MAP3K20: variants seen among roughly 807,000 people sequenced by gnomAD.
MAP3K20 encodes HCCS-4.
A neutral mutation model predicts 85.7 loss-of-function variants in MAP3K20; 40 were observed. The observed-to-expected ratio is 0.47, with a 90% CI of 0.36 to 0.61. The LOEUF (loss-of-function observed/expected upper bound fraction) is 0.61, where lower values mean the gene tolerates loss of function less well. Ranked by LOEUF, MAP3K20 falls within the 20% of genes least tolerant of loss-of-function variation. The probability of loss-of-function intolerance (pLI) is 0.00; values close to 1 mark genes in which losing one functional copy is unlikely to be tolerated. For synonymous variants in MAP3K20, 325 were observed against 327.7 expected, an observed-to-expected ratio of 0.99 and a Z score of 0.09; for missense variants, 817 against 961.7, an observed-to-expected ratio of 0.85 and a Z score of 1.99.
chr2:173,091,253 C>T (rs1042114799), intron 2 of MAP3K20, 63 bp downstream of exon 2: 10 of 1,547,666 alleles, frequency 6.5e-6, no homozygotes, highest in Non-Finnish European at 8.8e-6. Context: ...TTTTCAACCT[C>T]GAGTTAGAGG....
At chr2:173,128,437 A>T (rs1688511274) in intron 2 of MAP3K20, among the ~76,000 whole-genome samples, 1 of 151,866 alleles carries the variant, frequency 6.6e-6, no homozygotes. Context: ...GTTTCAAGTG[A>T]TTCTCGTGCC....
At chr2:173,208,824 C>T (rs556110657) in intron 9 of MAP3K20, among the ~76,000 whole-genome samples, 5 of 152,270 alleles carry the variant, frequency 3.3e-5, no homozygotes, top group East Asian at 1.9e-4. Context: ...GGCGTAATTA[C>T]GAGGCATGAT....
intron 2 of MAP3K20, among the ~76,000 whole-genome samples, chr2:173,125,236 A>C (rs1688408153): frequency 1.3e-5 from 2 of 152,184 alleles, no homozygotes; most frequent in South Asian, 4.1e-4. Context: ...CCCTTATAGA[A>C]TCTCTTATCT....
In MAP3K20 at chr2:173,266,368, C is replaced by G. The variant is rs758853363; in HGVS notation, c.2021C>G (p.Ser674Ter). The G allele has an allele frequency of 6.2e-7, 1 of 1,614,076 alleles. No individual in the cohort carries two copies. The highest frequency in any genetic ancestry group is 1.1e-5 in the South Asian group (1 of 91,064). The change falls in exon 20 of 20, where the codon TCA (serine) becomes TGA (stop). Residue 674 changes from serine (S) to a stop codon, truncating the protein, a stop_gained. Transcript: ENST00000375213. LOFTEE classifies it low-confidence loss of function (END_TRUNC). The stretch of plus-strand genomic sequence containing the variant: ...ACCTCTTCAGAGAGGGGTCGATACT[C>G]AGACAGAAGCAGGAACAAATATGGA... ...TDTSSERGRY[S>*]DRSRNKYGRG...
At chr2:173,142,691 A>G (rs1689012326) in intron 2 of MAP3K20, among the ~76,000 whole-genome samples, 1 of 152,186 alleles carries the variant, frequency 6.6e-6, no homozygotes, top group South Asian at 2.1e-4. Context: ...ATGATATACT[A>G]AGAAAAAAAT....
chr2:173,127,976 A>G lies in MAP3K20; in HGVS notation c.159+36786A>G, dbSNP rs1574038378. ...ATAGTTAGTAAGTGATAGAATCTAG[A>G]CCTTCGTACCTGCCATGCACACACA... On this transcript the variant is annotated intron_variant, in intron 2 of 19. Coordinates refer to ENST00000375213, the MANE Select transcript of MAP3K20 (RefSeq NM_016653.3). Among the ~76,000 whole-genome samples, 5 of 152,280 alleles carry G rather than the reference A, an allele frequency of 3.3e-5. No individual in the cohort carries two copies. The South Asian group carries it at 1.0e-3, about 32-fold the overall frequency.
chr2:173,246,464 T>C (rs1368489479), intron 16 of MAP3K20, among the ~76,000 whole-genome samples: 1 of 152,220 alleles, frequency 6.6e-6, no homozygotes, highest in Non-Finnish European at 1.5e-5. Context: ...ACCACCCCTT[T>C]TTATTAAAAT....
At chr2:173,157,775 G>A (rs1353666372) in intron 2 of MAP3K20, among the ~76,000 whole-genome samples, 1 of 152,208 alleles carries the variant, frequency 6.6e-6, no homozygotes, top group Admixed American at 6.5e-5. Flanking sequence ...ATGGCCTAGT[G>A]CCTGTAGGGA....
At chr2:173,255,671 A>C (rs538046189) in intron 16 of MAP3K20, among the ~76,000 whole-genome samples, 7 of 152,290 alleles carry the variant, frequency 4.6e-5, no homozygotes, top group African/African-American at 1.4e-4. Context: ...AAGTCATGGG[A>C]GAGCTCCCTG....
rs528205079 is a variant in MAP3K20, at chr2:173,253,185, G to A, written c.1360-5514G>A. 3.3e-5 allele frequency among the ~76,000 whole-genome samples: 5 copies of A among 152,180 alleles called. No individual in the cohort carries two copies. The South Asian group carries it at 6.2e-4, about 19-fold the overall frequency. On this transcript the variant is annotated intron_variant, in intron 16 of 19. Coordinates refer to ENST00000375213, the MANE Select transcript of MAP3K20 (RefSeq NM_016653.3). The stretch of plus-strand genomic sequence containing the variant: ...TGCCCATCAAAGCTACCTTGTTCTC[G>A]GTCCCATTCCCTTTTATGGCTGCCA...
chr2:173,139,731 C>A (rs1300397537), intron 2 of MAP3K20, among the ~76,000 whole-genome samples: 1 of 152,016 alleles, frequency 6.6e-6, no homozygotes, highest in African/African-American at 2.4e-5. Context: ...AGTAAAGGAA[C>A]CAATATGGAT....
intron 14 of MAP3K20, among the ~76,000 whole-genome samples, chr2:173,237,739 T>G (rs570344765): frequency 2.4e-4 from 37 of 152,262 alleles, no homozygotes; most frequent in Non-Finnish European, 4.3e-4. Flanking sequence ...TCTGGTGTTA[T>G]GTGCTGTGCT....
chr2:173,131,975 C>T (rs879587488), intron 2 of MAP3K20, among the ~76,000 whole-genome samples: 2 of 152,160 alleles, frequency 1.3e-5, no homozygotes, highest in Non-Finnish European at 2.9e-5. Context: ...GATAAATTCT[C>T]ATCTCTTATC....
intron 2 of MAP3K20, among the ~76,000 whole-genome samples, chr2:173,145,839 C>T (rs143114709): frequency 2.6e-5 from 4 of 152,050 alleles, no homozygotes; most frequent in Non-Finnish European, 5.9e-5. Flanking sequence ...TAATAGCCAA[C>T]AATTGAGAAC....
rs1274030934 is a variant in MAP3K20, at chr2:173,134,391, T to TAC, written c.160-35412_160-35411dup. Reference sequence around the variant, plus strand: ...TTGTGTGTGTGTGTGTGTGTCTCTATACATATATATATATATATATATATA... The same window carrying TAC: ...TTGTGTGTGTGTGTGTGTGTCTCTATACACATATATATATATATATATATATA... On this transcript the variant is annotated intron_variant, in intron 2 of 19. Coordinates refer to ENST00000375213, the MANE Select transcript of MAP3K20 (RefSeq NM_016653.3). Among the ~76,000 whole-genome samples, 33 of 39,250 alleles carry TAC rather than the reference T, an allele frequency of 8.4e-4. No homozygotes were observed. In the Admixed American group the frequency reaches 9.0e-3, roughly 11 times the overall value. 25.7% of individuals were successfully genotyped at this position (39,250 alleles called of 152,430 possible).
chr2:173,252,849 C>T (rs560756033), intron 16 of MAP3K20, among the ~76,000 whole-genome samples: 10 of 152,188 alleles, frequency 6.6e-5, no homozygotes, highest in Non-Finnish European at 1.2e-4. Flanking sequence ...ACAATACCTC[C>T]AGGCATCTGG....
intron 2 of MAP3K20, among the ~76,000 whole-genome samples, chr2:173,119,282 C>G (rs1286968412): frequency 6.6e-6 from 1 of 152,170 alleles, no homozygotes; most frequent in Non-Finnish European, 1.5e-5. Context: ...CAGTGACGAT[C>G]TCGAGTGTGT....
chr2:173,131,330 A>G (rs1043838163), intron 2 of MAP3K20, among the ~76,000 whole-genome samples: 2 of 152,218 alleles, frequency 1.3e-5, no homozygotes, highest in Non-Finnish European at 2.9e-5. Flanking sequence ...TAAACAATGA[A>G]ATGCCACAGT....
At chr2:173,248,255 C>T (rs527302117) in intron 16 of MAP3K20, among the ~76,000 whole-genome samples, 241 of 152,198 alleles carry the variant, frequency 1.6e-3, no homozygotes, top group African/African-American at 5.6e-3. Flanking sequence ...CAAGTTCTCA[C>T]GGTCAGTGAG....
Sources: gnomAD v4.1 joint callset for allele counts (sites outside exome capture counted in the v4.1 genomes callset) on GRCh38, gnomAD v4.1.1 for gene constraint, MANE v1.5 for transcripts, NCBI Gene and HGNC (gene_info 2026-07-23, HGNC 2026-07-21) for gene names.